The following TIAM1 variants were observed in gnomAD, a reference collection of about 807,000 sequenced individuals.
The protein encoded by TIAM1 is TIAM Rac1 associated GEF 1.
In TIAM1, 65 loss-of-function variants were observed where a neutral mutation model predicts 163.5. That is an observed-to-expected ratio of 0.40 (90% CI 0.33 to 0.49). The LOEUF is 0.49. TIAM1 is among the 20% of genes least tolerant of loss of function. The pLI is 0.77. For missense variants in TIAM1, 1,789 were observed against 2,044.7 expected (o/e 0.87, Z 2.41); for synonymous variants, 833 against 810.1 (o/e 1.03, Z -0.48).
chr21:31,388,259 A>ACACACACCC (rs1555964695), intron 2 of TIAM1, among the ~76,000 whole-genome samples: 1 of 98,098 alleles, frequency 1.0e-5, no homozygotes, highest in Non-Finnish European at 2.3e-5. Flanking sequence ...ACACACACAC[A>ACACACACCC]ACCTCTTACG....
At chr21:31,463,301 C>T (rs2045401458) in intron 2 of TIAM1, among the ~76,000 whole-genome samples, 1 of 152,208 alleles carries the variant, frequency 6.6e-6, no homozygotes, top group Admixed American at 6.5e-5. Flanking sequence ...TACATGGGTT[C>T]TTCCTTCTCG....
At chr21:31,260,962 G>A (rs965488325) in intron 4 of TIAM1, among the ~76,000 whole-genome samples, 2 of 152,172 alleles carry the variant, frequency 1.3e-5, no homozygotes, top group Non-Finnish European at 2.9e-5. Context: ...AGAATCATAT[G>A]GTTGTTGATG....
In TIAM1 at chr21:31,207,011, T is replaced by A. The variant is rs1279071199; in HGVS notation, c.2388+3034A>T. Among the ~76,000 whole-genome samples, 8 of 152,198 alleles carry A rather than the reference T, an allele frequency of 5.3e-5. 1 individual carries two copies. Among genetic ancestry groups the A allele is most frequent in the Non-Finnish European group, 1.5e-5 (1 of 68,032 alleles). Reference sequence around the variant, plus strand: ...CCCTCCCCTTCAAAGTAACCTTTTCTTTCTCTAAACGCCAATGGTTATAGC... The same window carrying A: ...CCCTCCCCTTCAAAGTAACCTTTTCATTCTCTAAACGCCAATGGTTATAGC... On this transcript the variant is annotated intron_variant, in intron 11 of 27. Transcript: ENST00000541036.
chr21:31,272,495 AG>A (rs1225602650), intron 3 of TIAM1, among the ~76,000 whole-genome samples: 3 of 151,548 alleles, frequency 2.0e-5, no homozygotes, highest in Non-Finnish European at 2.9e-5. Flanking sequence ...AAAAAAAAAA[AG>A]ATATAGAACT....
At chr21:31,297,781 T>TGATA (rs2146943903) in intron 2 of TIAM1, among the ~76,000 whole-genome samples, 1 of 152,240 alleles carries the variant, frequency 6.6e-6, no homozygotes, top group South Asian at 2.1e-4. Context: ...CCCAAAAATA[T>TGATA]GATATAATGC....
At chr21:31,384,658 G>C (rs928203331) in intron 2 of TIAM1, among the ~76,000 whole-genome samples, 2 of 152,130 alleles carry the variant, frequency 1.3e-5, no homozygotes, top group African/African-American at 4.8e-5. Context: ...TACAGCTTGA[G>C]TTTGCTTTAA....
At chr21:31,361,803 T>C (rs1388401307) in intron 2 of TIAM1, among the ~76,000 whole-genome samples, 1 of 152,022 alleles carries the variant, frequency 6.6e-6, no homozygotes, top group Non-Finnish European at 1.5e-5. Flanking sequence ...TAATAGCAGA[T>C]GATATTATCA....
intron 2 of TIAM1, among the ~76,000 whole-genome samples, chr21:31,358,676 A>T (rs1456739459): frequency 6.6e-6 from 1 of 151,944 alleles, no homozygotes; most frequent in African/African-American, 2.4e-5. Flanking sequence ...GTGCCAATCC[A>T]AATCTCTTCT....
intron 6 of TIAM1, among the ~76,000 whole-genome samples, chr21:31,240,500 C>T (rs1215623757): frequency 6.6e-6 from 1 of 152,136 alleles, no homozygotes; most frequent in African/African-American, 2.4e-5. Context: ...CAACCTTCCT[C>T]AAGTCTGACA....
intron 2 of TIAM1, among the ~76,000 whole-genome samples, chr21:31,408,579 T>TG (rs1185266369): frequency 2.0e-5 from 3 of 152,232 alleles, no homozygotes; most frequent in Admixed American, 6.5e-5. Flanking sequence ...ATCATGCTAT[T>TG]GCTCAATAAC....
At chr21:31,378,755 A>G (rs935475053) in intron 2 of TIAM1, among the ~76,000 whole-genome samples, 3 of 152,284 alleles carry the variant, frequency 2.0e-5, no homozygotes, top group South Asian at 2.1e-4. Context: ...CAGATCCAAA[A>G]TATTTTAAAA....
intron 8 of TIAM1, among the ~76,000 whole-genome samples, chr21:31,218,649 C>A (rs1235013951): frequency 6.6e-6 from 1 of 152,048 alleles, no homozygotes. Context: ...ATTTTCCTTG[C>A]AGTAGGGCAT....
At chr21:31,227,204 G>A (rs990782085) in intron 6 of TIAM1, among the ~76,000 whole-genome samples, 1 of 151,874 alleles carries the variant, frequency 6.6e-6, no homozygotes, top group South Asian at 2.1e-4. Flanking sequence ...TGATCCACCC[G>A]CCTCGGCCTC....
At chr21:31,215,568 G>GA (rs398040071) in intron 9 of TIAM1, among the ~76,000 whole-genome samples, 16,157 of 75,672 alleles carry the variant, frequency 0.21, 1,370 homozygotes, top group East Asian at 0.47. Context: ...TCTCAAAAAA[G>GA]AAAAAAAAAA....
intron 2 of TIAM1, among the ~76,000 whole-genome samples, chr21:31,305,202 T>C (rs989541882): frequency 6.6e-6 from 1 of 152,194 alleles, no homozygotes; most frequent in Non-Finnish European, 1.5e-5. Context: ...TTTTAAAAAA[T>C]CTACCTATAA....
chr21:31,121,809 A>G (rs2082012632), intron 27 of TIAM1, among the ~76,000 whole-genome samples: 1 of 152,224 alleles, frequency 6.6e-6, no homozygotes, highest in Non-Finnish European at 1.5e-5. Flanking sequence ...CATCCGATCA[A>G]GCCAACAATC....
chr21:31,362,369 G>A (rs1003981017), intron 2 of TIAM1, among the ~76,000 whole-genome samples: 1 of 151,770 alleles, frequency 6.6e-6, no homozygotes, highest in East Asian at 1.9e-4. Context: ...TGAGCCCAGA[G>A]ATTCAAACCA....
chr21:31,442,232 G>GA lies in TIAM1; in HGVS notation c.-369+21750_-369+21751insT, dbSNP rs1158887582. ...TAAGACGTAACGTCAGGAGTAGGGA[G>GA]TTTTTTTTTTTTTTTTTTGAAACAG... On this transcript the variant is annotated intron_variant, in intron 2 of 28. Transcript: ENST00000286827. Among the ~76,000 whole-genome samples, 575 of 124,936 alleles carry GA rather than the reference G, an allele frequency of 4.6e-3. 8 individuals are homozygous for GA. Among genetic ancestry groups the GA allele is most frequent in the African/African-American group, 0.016 (545 of 33,226 alleles). 82.0% of individuals were successfully genotyped at this position (124,936 alleles called of 152,430 possible).
intron 13 of TIAM1, 92 bp downstream of exon 13, chr21:31,195,132 G>A (rs2085780586): frequency 4.1e-6 from 4 of 976,444 alleles, no homozygotes; most frequent in African/African-American, 1.6e-5. Flanking sequence ...TTTTAGATAG[G>A]ACTCAAAGGC....
Sources: allele counts gnomAD v4.1 joint callset (sites outside exome capture counted in the v4.1 genomes callset), GRCh38; gene constraint gnomAD v4.1.1; transcripts MANE v1.5; gene names NCBI Gene and HGNC (gene_info 2026-07-23, HGNC 2026-07-21).